Variants in EPB41L4A observed in about 807,000 individuals in gnomAD.
EPB41L4A encodes the protein band 4.1-like protein 4A.
In EPB41L4A, 100 loss-of-function variants were observed where a neutral mutation model predicts 108.6. That is an observed-to-expected ratio of 0.92 (90% CI 0.78 to 1.09). EPB41L4A has a LOEUF of 1.09. EPB41L4A is among the 50% of genes least tolerant of loss of function. The pLI is 0.00. For synonymous variants in EPB41L4A, 319 were observed against 289.0 expected (o/e 1.10, Z -1.05); for missense variants, 1,030 against 842.7 (o/e 1.22, Z -2.75).
chr5:112,376,095 G>A (rs1028959388), intron 1 of EPB41L4A, among the ~76,000 whole-genome samples: 1 of 152,300 alleles, frequency 6.6e-6, no homozygotes, highest in Non-Finnish European at 1.5e-5. Context: ...AAAAAGACAA[G>A]CTACTCAGAG....
At chr5:112,313,531 C>T (rs1462875491) in intron 1 of EPB41L4A, among the ~76,000 whole-genome samples, 1 of 152,170 alleles carries the variant, frequency 6.6e-6, no homozygotes, top group East Asian at 1.9e-4. Flanking sequence ...GTGGAGGCTG[C>T]AGTAAGCCGA....
intron 9 of EPB41L4A, among the ~76,000 whole-genome samples, chr5:112,245,973 G>A (rs1265860665): frequency 1.2e-4 from 19 of 152,220 alleles, no homozygotes; most frequent in South Asian, 2.1e-4. Context: ...GAAATCTTCC[G>A]AGGCCTTTGT....
At chr5:112,297,688 TG>T in intron 2 of EPB41L4A, among the ~76,000 whole-genome samples, 1 of 152,346 alleles carries the variant, frequency 6.6e-6, no homozygotes, top group East Asian at 1.9e-4. Flanking sequence ...TTTGGGTTCT[TG>T]GTCATGAAAT....
At chr5:112,193,707 T>A (rs186997345) in intron 17 of EPB41L4A, among the ~76,000 whole-genome samples, 117 of 152,362 alleles carry the variant, frequency 7.7e-4, no homozygotes, top group African/African-American at 2.6e-3. Context: ...ACTACTGATA[T>A]GTTTTTGTAC....
chr5:112,143,227 G>A (rs1298720941), exon 14 of EPB41L4A: 1 of 152,152 alleles, frequency 6.6e-6, no homozygotes, highest in Non-Finnish European at 1.5e-5. Flanking sequence ...ATTGTTTCAA[G>A]CCACTCAGTT....
chr5:112,353,500 GT>G (rs1339774792), intron 1 of EPB41L4A, among the ~76,000 whole-genome samples: 1 of 152,050 alleles, frequency 6.6e-6, no homozygotes, highest in Admixed American at 6.5e-5. Context: ...GAGCAGGCCA[GT>G]CCCCAGGCAG....
chr5:112,390,536 C>T (rs546640828), intron 1 of EPB41L4A, among the ~76,000 whole-genome samples: 2 of 152,258 alleles, frequency 1.3e-5, no homozygotes, highest in African/African-American at 4.8e-5. Flanking sequence ...GTAAATAAAG[C>T]GGCCCAGAAA....
chr5:112,291,387 C>T (rs1410995529), intron 2 of EPB41L4A, among the ~76,000 whole-genome samples: 1 of 152,202 alleles, frequency 6.6e-6, no homozygotes, highest in Non-Finnish European at 1.5e-5. Flanking sequence ...GGTGTAAATA[C>T]CAAAGAGGTC....
intron 3 of EPB41L4A, 96 bp from the exon 4 acceptor site, chr5:112,275,500 ATTGTCT>A: frequency 1.5e-6 from 2 of 1,329,476 alleles, no homozygotes; most frequent in Non-Finnish European, 2.0e-6. Context: ...ACACTCCAAG[ATTGTCT>A]AAAGAAACAA....
At chr5:112,248,076 C>T (rs1226495990) in intron 9 of EPB41L4A, among the ~76,000 whole-genome samples, 2 of 152,208 alleles carry the variant, frequency 1.3e-5, no homozygotes, top group African/African-American at 4.8e-5. Context: ...TGAACTCACT[C>T]TCCACTTATA....
At chr5:112,258,911 A>G (rs1751300415) in intron 9 of EPB41L4A, among the ~76,000 whole-genome samples, 1 of 152,194 alleles carries the variant, frequency 6.6e-6, no homozygotes, top group Admixed American at 6.5e-5. Context: ...TTCTGATTAT[A>G]ACTCCTACCT....
At chr5:112,377,140 G>C (rs1759871763) in intron 1 of EPB41L4A, among the ~76,000 whole-genome samples, 1 of 151,598 alleles carries the variant, frequency 6.6e-6, no homozygotes, top group Non-Finnish European at 1.5e-5. Context: ...TGGGGGTCAA[G>C]GCTGCAATGA....
intron 1 of EPB41L4A, among the ~76,000 whole-genome samples, chr5:112,334,771 T>A (rs1756809508): frequency 6.6e-6 from 1 of 152,116 alleles, no homozygotes; most frequent in Non-Finnish European, 1.5e-5. Context: ...TCTCAGGACC[T>A]CCTGAGGCTG....
intron 1 of EPB41L4A, among the ~76,000 whole-genome samples, chr5:112,412,911 T>G (rs1762495568): frequency 6.6e-6 from 1 of 152,232 alleles, no homozygotes; most frequent in Admixed American, 6.5e-5. Flanking sequence ...ATATTTAATG[T>G]ATTTACACCA....
intron 5 of EPB41L4A, 85 bp from the exon 6 acceptor site, chr5:112,265,101 A>T: frequency 8.2e-7 from 1 of 1,218,140 alleles, no homozygotes; most frequent in Non-Finnish European, 1.1e-6. Flanking sequence ...AACATGCTTA[A>T]ACATTTTTTC....
chr5:112,295,928 A>G lies in EPB41L4A; in HGVS notation c.204+11458T>C, dbSNP rs78337583. Among the ~76,000 whole-genome samples the G allele has an allele frequency of 3.7e-3, 557 of 152,340 alleles. 15 individuals are homozygous for G. In the East Asian group the frequency reaches 0.057, roughly 16 times the overall value. ...AAGTGAAAGCAGACCTATCTTATCTAGGCAACAAAATGCTTTGCCTTATCT... is the reference window on the plus strand; with the variant it reads ...AAGTGAAAGCAGACCTATCTTATCTGGGCAACAAAATGCTTTGCCTTATCT... On this transcript the variant is annotated intron_variant, in intron 2 of 22. Transcript: ENST00000261486.
intron 2 of EPB41L4A, among the ~76,000 whole-genome samples, chr5:112,290,141 T>C (rs1204891993): frequency 6.6e-6 from 1 of 152,040 alleles, no homozygotes; most frequent in Middle Eastern, 3.4e-3. Flanking sequence ...TCTTTCAATT[T>C]AGCATCATTT....
intron 22 of EPB41L4A, among the ~76,000 whole-genome samples, chr5:112,167,611 A>G (rs2114991): frequency 0.74 from 113,043 of 152,010 alleles, 43,129 homozygotes; most frequent in East Asian, 1. Context: ...AATGTGTAAA[A>G]GTTCAACCCC....
At chr5:112,283,712 T>C (rs1753103795) in intron 2 of EPB41L4A, among the ~76,000 whole-genome samples, 1 of 152,220 alleles carries the variant, frequency 6.6e-6, no homozygotes, top group Non-Finnish European at 1.5e-5. Flanking sequence ...TGTCAGACAC[T>C]GTCCTTAGTA....
Sources: gnomAD v4.1 joint callset for allele counts (sites outside exome capture counted in the v4.1 genomes callset) on GRCh38, gnomAD v4.1.1 for gene constraint, MANE v1.5 for transcripts, NCBI Gene and HGNC (gene_info 2026-07-23, HGNC 2026-07-21) for gene names.